Variants in DNAH17 observed in about 807,000 individuals in gnomAD.
DNAH17 encodes axonemal beta dynein heavy chain 17.
DNAH17 carries 376 observed loss-of-function variants against 485.6 expected under a neutral mutation model. The ratio of observed to expected loss-of-function variants is 0.77; its 90% CI spans 0.71 to 0.84. The LOEUF is 0.84. DNAH17 is among the 40% of genes least tolerant of loss of function. The pLI is 0.00. For synonymous variants in DNAH17, 3,031 were observed against 2,405.9 expected (o/e 1.26, Z -7.60); for missense variants, 6,370 against 5,839.3 (o/e 1.09, Z -2.96).
rs369212177 is a variant in DNAH17, at chr17:78,532,859, T to C, written c.2860-123A>G. The C allele has an allele frequency of 6.0e-5, 70 of 1,169,498 alleles. No homozygotes were observed. In the East Asian group the frequency reaches 7.7e-4, roughly 13 times the overall value. The allele number at this position is 1,169,498 out of a possible 1,614,324, so 72.4% of individuals were successfully genotyped here. On this transcript the variant is annotated intron_variant, in intron 19 of 80. Transcript: ENST00000389840. ...CGAAAGGGCTTCCAATCTCTCATGATGACCTGCTCTTTTTCCAGCCTGGGC... is the reference window on the plus strand; with the variant it reads ...CGAAAGGGCTTCCAATCTCTCATGACGACCTGCTCTTTTTCCAGCCTGGGC...
At chr17:78,575,289 C>A (rs895459375) in intron 1 of DNAH17, among the ~76,000 whole-genome samples, 1 of 152,134 alleles carries the variant, frequency 6.6e-6, no homozygotes, top group Admixed American at 6.5e-5. Flanking sequence ...ATGGGGGGTG[C>A]CCCGGGAGTG....
chr17:78,491,663 G>A (rs1434701287), intron 42 of DNAH17, 93 bp from the exon 43 acceptor site: 1 of 1,493,126 alleles, frequency 6.7e-7, no homozygotes, highest in Non-Finnish European at 9.0e-7. Flanking sequence ...CTCTGGGAGG[G>A]AGCCTGTCCC....
At position 78,501,262 on chromosome 17, in the gene DNAH17, A is replaced by G. The variant is rs766694594; in HGVS notation, c.5405T>C (p.Ile1802Thr). The G allele has an allele frequency of 6.2e-7, 1 of 1,609,280 alleles. No individual in the cohort carries two copies. The highest frequency in any genetic ancestry group is 2.2e-5 in the East Asian group (1 of 44,672). Residue 1802 changes from isoleucine (I) to threonine (T), a missense_variant, in exon 35 of 81, where the codon ATC becomes ACC. Physicochemically the swap from Ile to Thr is moderately conservative, Grantham distance 89 (BLOSUM62 -1). Transcript: ENST00000389840. ...GGAATACTGGATTTGGGCATCGCAG[A>G]TGTTGGCAAAGCAGTGTCGCTTCTC... ...DEEKRHCFAN[I>T]CDAQIQYSYE...
intron 18 of DNAH17, among the ~76,000 whole-genome samples, chr17:78,539,246 A>G (rs2091458902): frequency 6.6e-6 from 1 of 152,144 alleles, no homozygotes; most frequent in African/African-American, 2.4e-5. Flanking sequence ...ATAAAAAAAT[A>G]AAATAAAAAG....
At chr17:78,468,022 A>G (rs1298520384) in intron 55 of DNAH17, among the ~76,000 whole-genome samples, 1 of 108,992 alleles carries the variant, frequency 9.2e-6, no homozygotes, top group Non-Finnish European at 2.1e-5. Flanking sequence ...ATCTCAAAAA[A>G]AAAAAAAAAA....
At chr17:78,496,110 A>G in intron 37 of DNAH17, 78 bp from the exon 38 acceptor site, 1 of 1,482,250 alleles carries the variant, frequency 6.7e-7, no homozygotes, top group South Asian at 1.4e-5. Context: ...CACATATGTT[A>G]AAGCATGAGG....
At chr17:78,472,775 G>A (rs780010024) in intron 54 of DNAH17, 11 of 454,274 alleles carry the variant, frequency 2.4e-5, no homozygotes, top group East Asian at 7.0e-5. Context: ...CTCCCTTCTC[G>A]TCGCACCTGC....
intron 4 of DNAH17, 25 bp from the exon 5 acceptor site, chr17:78,571,403 C>T (rs1368463645): frequency 3.2e-6 from 5 of 1,585,952 alleles, no homozygotes; most frequent in Non-Finnish European, 3.5e-6. Flanking sequence ...GAAGATCCAC[C>T]TTTCATTGAC....
At chr17:78,429,401 T>G in intron 75 of DNAH17, 101 bp from the exon 76 acceptor site, 1 of 1,296,050 alleles carries the variant, frequency 7.7e-7, no homozygotes. Context: ...ACCCAGCCAT[T>G]GGTGCTGTGT....
intron 22 of DNAH17, among the ~76,000 whole-genome samples, chr17:78,528,544 G>A (rs1425796797): frequency 2.0e-5 from 3 of 152,176 alleles, no homozygotes; most frequent in African/African-American, 7.2e-5. Flanking sequence ...TAAGACAGGA[G>A]GGTGGGCCCT....
rs543921670 is a variant in DNAH17, at chr17:78,426,312, G to A, written c.12915+145C>T. The A allele has an allele frequency of 1.4e-4, 139 of 1,024,728 alleles. 1 individual carries two copies. The African/African-American group carries it at 2.0e-3, about 15-fold the overall frequency. The allele number at this position is 1,024,728 out of a possible 1,614,324, so 63.5% of individuals were successfully genotyped here. ...AGGGTGTGGGAGGGGCATGGGCTAG[G>A]CCCTTCTGGCCCTGATCTGACAGAG... On this transcript the variant is annotated intron_variant, in intron 79 of 80. Transcript: ENST00000389840.
At chr17:78,438,939 G>C (rs999296352) in intron 73 of DNAH17, 151 bp downstream of exon 73, 1 of 1,192,748 alleles carries the variant, frequency 8.4e-7, no homozygotes, top group African/African-American at 1.5e-5. Context: ...GCCGACACTG[G>C]GGATGCCTCC....
At chr17:78,434,308 G>A in intron 74 of DNAH17, 88 bp from the exon 75 acceptor site, 1 of 1,339,116 alleles carries the variant, frequency 7.5e-7, no homozygotes. Context: ...TCCAGCCCTT[G>A]CCAGATGCTT....
At chr17:78,507,034 C>T (rs1229521780) in intron 29 of DNAH17, among the ~76,000 whole-genome samples, 188 bp from the exon 30 acceptor site, 1 of 152,180 alleles carries the variant, frequency 6.6e-6, no homozygotes, top group East Asian at 1.9e-4. Flanking sequence ...CTTGTGGGCA[C>T]TCCTAGGCAA....
At chr17:78,478,617 C>T (rs1235374011) in intron 51 of DNAH17, among the ~76,000 whole-genome samples, 1 of 122,844 alleles carries the variant, frequency 8.1e-6, no homozygotes. Flanking sequence ...ACCGTCATCA[C>T]CCCCATTATT....
At chr17:78,545,082 T>G (rs1598695780) in intron 16 of DNAH17, among the ~76,000 whole-genome samples, 2 of 72,164 alleles carry the variant, frequency 2.8e-5, no homozygotes, top group African/African-American at 1.2e-4. Context: ...GGACTCTACA[T>G]CATCAATTCA....
chr17:78,476,021 G>T (rs552362014), intron 52 of DNAH17, among the ~76,000 whole-genome samples, 188 bp from the exon 53 acceptor site: 1 of 152,220 alleles, frequency 6.6e-6, no homozygotes, highest in African/African-American at 2.4e-5. Flanking sequence ...TTCCTAGAGT[G>T]GGAGGGTCTG....
At chr17:78,525,346 G>A (rs902636427) in intron 24 of DNAH17, among the ~76,000 whole-genome samples, 185 bp from the exon 25 acceptor site, 11 of 152,210 alleles carry the variant, frequency 7.2e-5, no homozygotes, top group African/African-American at 2.7e-4. Context: ...GGCCTCCTGG[G>A]TCCTGCCTGC....
In DNAH17 at chr17:78,490,751, C is replaced by G; in HGVS notation, c.6766G>C (p.Val2256Leu). The part of the protein sequence containing the change: ...SHLRTATPAT[V>L]SRAGILYINP... ...ATGTAGAGGATGCCGGCTCTGGAAA[C>G]GGTGGCTGGGGTGGCCGTCCTCAGG... Residue 2256 changes from valine (V) to leucine (L), a missense_variant, in exon 44 of 81, where the codon GTT (valine) becomes CTT (leucine). Transcript: ENST00000389840. 6.2e-7 allele frequency: 1 copy of G among 1,607,104 alleles called. No individual in the cohort carries two copies. Among genetic ancestry groups the G allele is most frequent in the South Asian group, 1.1e-5 (1 of 89,552 alleles).
Sources: allele counts gnomAD v4.1 joint callset (sites outside exome capture counted in the v4.1 genomes callset), GRCh38; gene constraint gnomAD v4.1.1; transcripts MANE v1.5; gene names NCBI Gene and HGNC (gene_info 2026-07-23, HGNC 2026-07-21).